CDH2: variants seen among roughly 807,000 people sequenced by gnomAD.
CDH2 encodes the protein cadherin 2.
CDH2 carries 17 observed loss-of-function variants against 92.0 expected under a neutral mutation model. The observed-to-expected ratio is 0.18, with a 90% confidence interval of 0.13 to 0.28. The LOEUF is 0.28. Ranked by LOEUF, CDH2 falls within the 10% of genes least tolerant of loss-of-function variation. The pLI, the probability that CDH2 is intolerant of heterozygous loss-of-function variation, is 1.00. For missense variants in CDH2, 862 were observed against 1,133.1 expected (o/e 0.76, Z 3.44); for synonymous variants, 419 against 415.9 (o/e 1.01, Z -0.09).
At chr18:27,956,362 C>T (rs2011246443) in intron 15 of CDH2, among the ~76,000 whole-genome samples, 1 of 152,154 alleles carries the variant, frequency 6.6e-6, no homozygotes, top group African/African-American at 2.4e-5. Context: ...GAGCTTGGCT[C>T]TGGCTGAATT....
chr18:28,156,117 A>G (rs978116832), intron 1 of CDH2, among the ~76,000 whole-genome samples: 5 of 152,142 alleles, frequency 3.3e-5, no homozygotes, highest in African/African-American at 1.2e-4. Flanking sequence ...GAGGCCACAC[A>G]TTTGCCCCAT....
intron 2 of CDH2, among the ~76,000 whole-genome samples, chr18:28,123,909 A>G (rs1418596673): frequency 6.6e-6 from 1 of 152,200 alleles, no homozygotes; most frequent in Non-Finnish European, 1.5e-5. Context: ...TTAAAATAAT[A>G]GACAGCATTC....
At chr18:28,045,909 T>C (rs1260121240) in intron 2 of CDH2, among the ~76,000 whole-genome samples, 1 of 152,208 alleles carries the variant, frequency 6.6e-6, no homozygotes, top group Non-Finnish European at 1.5e-5. Flanking sequence ...TTCAGGTTAT[T>C]TTCTGGAGTC....
At chr18:27,973,064 C>G (rs537060988) in intron 14 of CDH2, among the ~76,000 whole-genome samples, 232 of 152,126 alleles carry the variant, frequency 1.5e-3, no homozygotes, top group Non-Finnish European at 2.7e-3. Context: ...AATTGTCAAC[C>G]CTTGAAGTTC....
chr18:27,965,031 A>G (rs1173525764), intron 14 of CDH2, among the ~76,000 whole-genome samples: 2 of 152,240 alleles, frequency 1.3e-5, no homozygotes, highest in African/African-American at 4.8e-5. Context: ...CAGACTCTTG[A>G]TAAGTGTTTT....
At chr18:27,946,016 A>G (rs529942191), downstream of CDH2, among the ~76,000 whole-genome samples, 2 of 152,226 alleles carry the variant, frequency 1.3e-5, no homozygotes, top group African/African-American at 2.4e-5. Context: ...TGGCTATATT[A>G]ATATGGAATA....
chr18:28,031,992 A>G (rs1184018403), intron 2 of CDH2, among the ~76,000 whole-genome samples: 1 of 152,092 alleles, frequency 6.6e-6, no homozygotes, highest in East Asian at 1.9e-4. Context: ...GGAGGGGTGT[A>G]GTATAGTACT....
At chr18:28,057,707 T>C (rs1293065914) in intron 2 of CDH2, among the ~76,000 whole-genome samples, 1 of 151,906 alleles carries the variant, frequency 6.6e-6, no homozygotes, top group Non-Finnish European at 1.5e-5. Context: ...GTTAGATTGA[T>C]CAAGGTCAAA....
chr18:27,993,376 A>G (rs2012484200), intron 8 of CDH2, 124 bp downstream of exon 8: 3 of 912,440 alleles, frequency 3.3e-6, no homozygotes, highest in East Asian at 2.5e-5. Flanking sequence ...TGTCCGAGTT[A>G]GCAGCCATGC....
intron 1 of CDH2, among the ~76,000 whole-genome samples, chr18:28,167,749 T>C (rs2016407628): frequency 6.6e-6 from 1 of 152,122 alleles, no homozygotes; most frequent in African/African-American, 2.4e-5. Flanking sequence ...GACACTTCCA[T>C]AAAGTAAATG....
At chr18:28,033,380 A>C (rs1180016410) in intron 2 of CDH2, among the ~76,000 whole-genome samples, 1 of 152,094 alleles carries the variant, frequency 6.6e-6, no homozygotes, top group Non-Finnish European at 1.5e-5. Flanking sequence ...CTCTAGGTAG[A>C]CTGAAATCCA....
chr18:27,978,790 C>G (rs1478430842), intron 14 of CDH2, among the ~76,000 whole-genome samples: 2 of 151,956 alleles, frequency 1.3e-5, no homozygotes, highest in Non-Finnish European at 2.9e-5. Context: ...GTAGCTGGGA[C>G]TATAGGTATG....
chr18:27,997,223 T>A (rs1263372245), intron 7 of CDH2, among the ~76,000 whole-genome samples: 1 of 151,842 alleles, frequency 6.6e-6, no homozygotes, highest in African/African-American at 2.4e-5. Flanking sequence ...CAGCACAATT[T>A]TGAAACACTG....
At chr18:28,072,220 G>A (rs2014631454) in intron 2 of CDH2, among the ~76,000 whole-genome samples, 1 of 151,810 alleles carries the variant, frequency 6.6e-6, no homozygotes, top group South Asian at 2.1e-4. Context: ...TGTGTTCCTA[G>A]GCACCCTGGA....
At chr18:27,980,964 A>C (rs1393835955) in intron 14 of CDH2, among the ~76,000 whole-genome samples, 2 of 152,244 alleles carry the variant, frequency 1.3e-5, no homozygotes, top group African/African-American at 4.8e-5. Flanking sequence ...AAATAAAATA[A>C]GTCTTTCCTA....
chr18:27,966,708 G>A (rs2011542066), intron 14 of CDH2, among the ~76,000 whole-genome samples: 1 of 152,308 alleles, frequency 6.6e-6, no homozygotes, highest in South Asian at 2.1e-4. Flanking sequence ...ATAGATGAAT[G>A]TGTATATAAC....
At chr18:28,157,681 C>T (rs2016241176) in intron 1 of CDH2, among the ~76,000 whole-genome samples, 1 of 152,152 alleles carries the variant, frequency 6.6e-6, no homozygotes, top group South Asian at 2.1e-4. Context: ...AGTGAAAAAT[C>T]TGCCTGCTGC....
At chr18:27,947,474 T>C (rs2143842522), downstream of CDH2, among the ~76,000 whole-genome samples, 1 of 151,922 alleles carries the variant, frequency 6.6e-6, no homozygotes, top group East Asian at 1.9e-4. Flanking sequence ...ACAAAATAAT[T>C]CTACAATTTA....
At chr18:28,043,476 AT>A (rs1599057675) in intron 2 of CDH2, among the ~76,000 whole-genome samples, 2 of 94,724 alleles carry the variant, frequency 2.1e-5, no homozygotes, top group East Asian at 3.0e-4. Context: ...ATATATATAT[AT>A]ATATATATAT....
Sources: gnomAD v4.1 joint callset for allele counts (sites outside exome capture counted in the v4.1 genomes callset) on GRCh38, gnomAD v4.1.1 for gene constraint, MANE v1.5 for transcripts, NCBI Gene and HGNC (gene_info 2026-07-23, HGNC 2026-07-21) for gene names.